The following RBFOX1 variants were observed in gnomAD, a reference collection of about 807,000 sequenced individuals.
RBFOX1 encodes the protein RNA binding fox-1 homolog 1, also known as RNA binding protein fox-1 homolog 1.
Under a neutral mutation model 57.7 loss-of-function variants are expected in RBFOX1, and 8 were observed. The observed-to-expected ratio is 0.14, with a 90% confidence interval of 0.08 to 0.25. The LOEUF (loss-of-function observed/expected upper bound fraction) is 0.25, where lower values mean the gene tolerates loss of function less well. Among genes scored for constraint, RBFOX1 ranks in the 10% least tolerant of loss-of-function variants. The pLI is 1.00. For missense variants in RBFOX1, 611 were observed against 548.5 expected, an observed-to-expected ratio of 1.11 and a Z score of -1.14; for synonymous variants, 326 against 222.4, an observed-to-expected ratio of 1.47 and a Z score of -4.15.
chr16:7,179,889 C>G (rs2082360086), intron 4 of RBFOX1, among the ~76,000 whole-genome samples: 1 of 151,824 alleles, frequency 6.6e-6, no homozygotes, highest in South Asian at 2.1e-4. Context: ...CATCTGCCAC[C>G]ACGTCCAGCT....
chr16:5,747,032 A>G (rs1032383962), intron 3 of RBFOX1, among the ~76,000 whole-genome samples: 3 of 151,940 alleles, frequency 2.0e-5, no homozygotes, highest in Non-Finnish European at 4.4e-5. Context: ...TTCAAAGGGA[A>G]TGCTTCTAGG....
chr16:7,505,587 A>G (rs1260448364), intron 4 of RBFOX1, among the ~76,000 whole-genome samples: 1 of 152,220 alleles, frequency 6.6e-6, no homozygotes, highest in African/African-American at 2.4e-5. Flanking sequence ...AAGAGTTGAG[A>G]AAAACAGCCT....
intron 3 of RBFOX1, among the ~76,000 whole-genome samples, chr16:6,759,342 TG>T (rs1567135194): frequency 6.6e-6 from 1 of 151,804 alleles, no homozygotes; most frequent in Non-Finnish European, 1.5e-5. Context: ...GTAGAGACAG[TG>T]TTTAGTCGTG....
chr16:7,375,506 GTT>G (rs78927148), intron 4 of RBFOX1, among the ~76,000 whole-genome samples: 2 of 141,192 alleles, frequency 1.4e-5, no homozygotes, highest in Non-Finnish European at 3.1e-5. Flanking sequence ...TTGTTTTTTT[GTT>G]TTTTTTTTTT....
In RBFOX1 at chr16:6,985,072, C is replaced by G. The variant is rs1305361879; in HGVS notation, c.-15-66985C>G. 5.9e-5 allele frequency among the ~76,000 whole-genome samples: 9 copies of G among 152,236 alleles called. No individual in the cohort carries two copies. The South Asian group carries it at 8.3e-4, about 14-fold the overall frequency. ...GAGTTAGTTCCTCTGGATTTCATTT[C>G]TCAAGATTCTGGAATTTCCTCTCCC... On this transcript the variant is annotated intron_variant, in intron 3 of 15. Coordinates refer to ENST00000550418, the MANE Select transcript of RBFOX1 (RefSeq NM_018723.4).
At chr16:5,245,257 A>C (rs1009394746) in intron 1 of RBFOX1, among the ~76,000 whole-genome samples, 1 of 152,082 alleles carries the variant, frequency 6.6e-6, no homozygotes, top group Admixed American at 6.6e-5. Context: ...CAGGTACTGG[A>C]GGTGAATGGT....
At chr16:7,251,594 A>T (rs1433331088) in intron 4 of RBFOX1, among the ~76,000 whole-genome samples, 1 of 151,732 alleles carries the variant, frequency 6.6e-6, no homozygotes, top group African/African-American at 2.4e-5. Context: ...TAATTTTTGT[A>T]TTTTTAGTGG....
chr16:7,603,164 C>T (rs554792478), intron 9 of RBFOX1, among the ~76,000 whole-genome samples: 4 of 152,076 alleles, frequency 2.6e-5, no homozygotes, highest in African/African-American at 4.8e-5. Context: ...ATCCCTAACA[C>T]GATTCTTCTT....
At chr16:5,592,435 G>A (rs1298812005) in intron 2 of RBFOX1, among the ~76,000 whole-genome samples, 1 of 141,546 alleles carries the variant, frequency 7.1e-6, no homozygotes, top group East Asian at 2.1e-4. Context: ...TTTTTTTTCT[G>A]AGATGGAGTC....
intron 4 of RBFOX1, among the ~76,000 whole-genome samples, chr16:6,007,181 C>A (rs778326790): frequency 6.6e-6 from 1 of 152,146 alleles, no homozygotes; most frequent in Non-Finnish European, 1.5e-5. Flanking sequence ...TTCAGCTTGG[C>A]GTGAATGAAT....
chr16:7,210,187 A>C (rs138259688), intron 4 of RBFOX1, among the ~76,000 whole-genome samples: 2 of 152,214 alleles, frequency 1.3e-5, no homozygotes, highest in African/African-American at 4.8e-5. Context: ...AAGATCCCAC[A>C]CAAGAAACAC....
chr16:6,863,523 C>G lies in RBFOX1; in HGVS notation c.-15-188534C>G, dbSNP rs1354220526. Among the ~76,000 whole-genome samples the G allele has an allele frequency of 2.0e-5, 3 of 151,830 alleles. No homozygotes were observed. The East Asian group carries it at 5.8e-4, about 29-fold the overall frequency. Reference sequence around the variant, plus strand: ...ACATAGCAGGAACTGTGTTTTAATACTAATTACAATTATTTTCTGGTTACA... The same window carrying G: ...ACATAGCAGGAACTGTGTTTTAATAGTAATTACAATTATTTTCTGGTTACA... On this transcript the variant is annotated intron_variant, in intron 3 of 15. Coordinates refer to ENST00000550418, the MANE Select transcript of RBFOX1 (RefSeq NM_018723.4).
At chr16:5,567,894 G>C (rs1429120785) in intron 2 of RBFOX1, among the ~76,000 whole-genome samples, 4 of 152,144 alleles carry the variant, frequency 2.6e-5, no homozygotes, top group Non-Finnish European at 4.4e-5. Flanking sequence ...TTATGTTTGA[G>C]GACACTGAGG....
rs200654433 is a variant in RBFOX1, at chr16:5,674,063, G to A, written c.318+75102G>A. ...GTTGCCATTGAATCATTCATTCTTG[G>A]TTGTCCATCCTCTATGTAGTATTGT... On this transcript the variant is annotated intron_variant, in intron 3 of 19. Coordinates refer to the RBFOX1 transcript ENST00000641259. Among the ~76,000 whole-genome samples, 26 of 152,254 alleles carry A rather than the reference G, an allele frequency of 1.7e-4. No individual in the cohort carries two copies. The East Asian group carries it at 3.7e-3, about 21-fold the overall frequency.
chr16:6,244,148 CCAT>C (rs1210321324), intron 1 of RBFOX1, among the ~76,000 whole-genome samples: 2 of 151,996 alleles, frequency 1.3e-5, no homozygotes, highest in Non-Finnish European at 2.9e-5. Context: ...GTCTATCACT[CCAT>C]TATCCCTTCT....
At chr16:6,901,847 T>C (rs2068579882) in intron 3 of RBFOX1, among the ~76,000 whole-genome samples, 1 of 152,184 alleles carries the variant, frequency 6.6e-6, no homozygotes, top group African/African-American at 2.4e-5. Flanking sequence ...AAGTGGGAAT[T>C]GATGAAAAAT....
chr16:6,713,343 C>T (rs2154153748), intron 3 of RBFOX1, among the ~76,000 whole-genome samples: 1 of 152,212 alleles, frequency 6.6e-6, no homozygotes, highest in African/African-American at 2.4e-5. Context: ...GTCTTGATGA[C>T]CAAGTTAATG....
intron 4 of RBFOX1, among the ~76,000 whole-genome samples, chr16:7,333,381 CCTT>C (rs2096727878): frequency 6.6e-6 from 1 of 152,164 alleles, no homozygotes; most frequent in Admixed American, 6.5e-5. Flanking sequence ...GATTTGCTCT[CCTT>C]CTCAGCTTTC....
chr16:5,908,301 T>C (rs1175695789), intron 4 of RBFOX1, among the ~76,000 whole-genome samples: 55 of 143,758 alleles, frequency 3.8e-4, no homozygotes, highest in Non-Finnish European at 6.2e-4. Context: ...CATATATATA[T>C]ACACACATAT....
Sources: gnomAD v4.1 joint callset for allele counts (sites outside exome capture counted in the v4.1 genomes callset) on GRCh38, gnomAD v4.1.1 for gene constraint, MANE v1.5 for transcripts, NCBI Gene and HGNC (gene_info 2026-07-23, HGNC 2026-07-21) for gene names.